The following COL6A2 variants were observed in gnomAD, a reference collection of about 807,000 sequenced individuals.
COL6A2 encodes the protein collagen type VI alpha 2 chain, also known as collagen alpha-2(VI) chain.
A neutral mutation model predicts 124.9 loss-of-function variants in COL6A2; 90 were observed. The observed-to-expected ratio is 0.72, with a 90% confidence interval of 0.61 to 0.86. The LOEUF is 0.86. Ranked by LOEUF, COL6A2 falls within the 40% of genes least tolerant of loss-of-function variation. The pLI is 0.00. For synonymous variants in COL6A2, 793 were observed against 618.2 expected, an observed-to-expected ratio of 1.28 and a Z score of -4.19; for missense variants, 1,607 against 1,502.5, an observed-to-expected ratio of 1.07 and a Z score of -1.15.
intron 21 of COL6A2, among the ~76,000 whole-genome samples, chr21:46,124,062 GGATGGACC>G (rs1452769905): frequency 6.6e-6 from 1 of 150,982 alleles, no homozygotes; most frequent in Non-Finnish European, 1.5e-5. Context: ...ATGAGTGAAC[GGATGGACC>G]GATGGATGAA....
Position 46,116,151 on chromosome 21 carries a change from C to T in COL6A2, c.900+98C>T. The stretch of plus-strand genomic sequence containing the variant: ...AGCCTCGGCCTCAGCCTCTACGACC[C>T]TCCCCCCAGTTACCAAGGAACAGAA... On this transcript the variant is annotated intron_variant, in intron 7 of 27. Transcript: ENST00000300527. This position sits in a 1 kb window ranked among gnomAD's most constrained non-coding sequence, Gnocchi z 4.6. 1 of 1,312,628 alleles carries T rather than the reference C, an allele frequency of 7.6e-7. No homozygotes were observed. The highest frequency in any genetic ancestry group is 1.3e-5 in the South Asian group (1 of 79,456). 81.3% of individuals were successfully genotyped at this position (1,312,628 alleles called of 1,614,324 possible).
At position 46,126,203 on chromosome 21, in the gene COL6A2, G is replaced by T. The variant is rs1312736604; in HGVS notation, c.2388G>T (p.Lys796Asn). ...TGTTCTCCGACCTGGTCGCTGAGAA[G>T]TTCATCGATGACATGGAGGACGTCC... is the stretch of plus-strand genomic sequence containing the variant. ...MTLFSDLVAE[K>N]FIDDMEDVLC... The change falls in exon 26 of 28, where the codon AAG becomes AAT. Residue 796 changes from lysine (K) to asparagine (N), a missense_variant. Physicochemically the swap from Lys to Asn is moderately conservative, Grantham distance 94 (BLOSUM62 0). Coordinates refer to ENST00000300527, the MANE Select transcript of COL6A2 (RefSeq NM_001849.4). 1.2e-6 allele frequency: 2 copies of T among 1,602,464 alleles called. No individual in the cohort carries two copies. The highest frequency in any genetic ancestry group is 1.7e-6 in the Non-Finnish European group (2 of 1,179,608).
rs759725060 is a variant in COL6A2, at chr21:46,116,605, T to C, written c.928-46T>C. 2 of 1,612,580 alleles carry C rather than the reference T, an allele frequency of 1.2e-6. No individual in the cohort carries two copies. Among genetic ancestry groups the C allele is most frequent in the Non-Finnish European group, 1.7e-6 (2 of 1,179,782 alleles). ...CCCCCAGAGGCAGCAGTGCCCATGA[T>C]GCTTTGAGGCACCGAGCTCACTGCG... On this transcript the variant is annotated intron_variant, in intron 8 of 27. Transcript: ENST00000300527. This position sits in a 1 kb window ranked among gnomAD's most constrained non-coding sequence, Gnocchi z 4.6.
chr21:46,125,817 G>A lies in COL6A2; in HGVS notation c.2002G>A (p.Glu668Lys), dbSNP rs138948335. Residue 668 changes from glutamate to lysine, a missense_variant, in exon 26 of 28, where the codon GAG (glutamate) becomes AAG (lysine). Around this residue, in one of 3 missense-constraint regions of COL6A2, gnomAD observed 1,223 missense variants for 1,052.2 expected, o/e 1.16. Coordinates refer to ENST00000300527, the MANE Select transcript of COL6A2 (RefSeq NM_001849.4). ...TGTGGGCGTGGTGCAGTACAGCCACGAGGGCACCTTTGAGGCCATCCAGCT... is the reference window on the plus strand; with the variant it reads ...TGTGGGCGTGGTGCAGTACAGCCACAAGGGCACCTTTGAGGCCATCCAGCT... ...TRVGVVQYSH[E>K]GTFEAIQLDD... 2.7e-5 allele frequency: 44 copies of A among 1,612,908 alleles called. 1 individual carries two copies. The highest frequency in any genetic ancestry group is 4.5e-5 in the East Asian group (2 of 44,864).
chr21:46,131,448 CAG>C (rs964372170), intron 27 of COL6A2, among the ~76,000 whole-genome samples: 30 of 152,330 alleles, frequency 2.0e-4, no homozygotes, highest in African/African-American at 6.7e-4. Flanking sequence ...TCAGAAGAGT[CAG>C]GGGCTCCTGG....
intron 1 of COL6A2, chr21:46,098,835 A>C (rs553911200): frequency 6.6e-6 from 1 of 152,210 alleles, no homozygotes; most frequent in East Asian, 1.9e-4. Flanking sequence ...GCTGACAGCG[A>C]CCCGCAGCCC....
chr21:46,124,326 C>T lies in COL6A2; in HGVS notation c.1672-325C>T, dbSNP rs143446144. On this transcript the variant is annotated intron_variant, in intron 21 of 27. Coordinates refer to ENST00000300527, the MANE Select transcript of COL6A2 (RefSeq NM_001849.4). Reference sequence around the variant, plus strand: ...ATGGGCGAATGGGTGGATGGGTGGGCGTGGAGTTGGTGGGTACATGATAAT... The same window carrying T: ...ATGGGCGAATGGGTGGATGGGTGGGTGTGGAGTTGGTGGGTACATGATAAT... Among the ~76,000 whole-genome samples, 75 of 151,930 alleles carry T rather than the reference C, an allele frequency of 4.9e-4. 2 individuals carry two copies. The South Asian group carries it at 0.012, about 25-fold the overall frequency.
chr21:46,117,494 G>C (rs776513901), intron 11 of COL6A2, 41 bp downstream of exon 11: 22 of 1,601,156 alleles, frequency 1.4e-5, no homozygotes, highest in Admixed American at 1.7e-5. Flanking sequence ...TCGGCCCAGG[G>C]GGTGTGGGTG....
chr21:46,113,415 C>T (rs914613680), intron 4 of COL6A2, among the ~76,000 whole-genome samples: 3 of 151,864 alleles, frequency 2.0e-5, no homozygotes, highest in African/African-American at 7.3e-5. Flanking sequence ...CTTTCTCTGT[C>T]ACCTAGGCTG....
In COL6A2 at chr21:46,131,992, A is replaced by G. The variant is rs1239148021; in HGVS notation, c.2500A>G (p.Ile834Val). Reference sequence around the variant, plus strand: ...ACAGTGCACGCAGCGGCCCGTGGACATCGTCTTCCTGCTGGACGGCTCCGA... The same window carrying G: ...ACAGTGCACGCAGCGGCCCGTGGACGTCGTCTTCCTGCTGGACGGCTCCGA... ...VAQCTQRPVDIVFLLDGSERL... is the reference protein window; with the variant it reads ...VAQCTQRPVDVVFLLDGSERL... Residue 834 changes from isoleucine to valine, a missense_variant, in exon 28 of 28, where the codon ATC becomes GTC. Physicochemically the swap from Ile to Val is conservative, Grantham distance 29. Transcript: ENST00000300527. The G allele has an allele frequency of 3.7e-6, 6 of 1,609,922 alleles. No individual in the cohort carries two copies. Among genetic ancestry groups the G allele is most frequent in the East Asian group, 2.2e-5 (1 of 44,834 alleles).
At chr21:46,099,671 G>A (rs1390815262) in intron 1 of COL6A2, among the ~76,000 whole-genome samples, 1 of 152,112 alleles carries the variant, frequency 6.6e-6, no homozygotes, top group Non-Finnish European at 1.5e-5. Context: ...TGGCTGGGAC[G>A]GGGCTGCCCA....
intron 27 of COL6A2, among the ~76,000 whole-genome samples, chr21:46,128,625 G>A (rs1470820958): frequency 1.3e-5 from 2 of 152,248 alleles, no homozygotes; most frequent in Non-Finnish European, 2.9e-5. Flanking sequence ...GCTGAAGGCA[G>A]TCAGGGCAGG....
At chr21:46,117,986 G>A (rs1269010797) in intron 12 of COL6A2, 50 bp downstream of exon 12, 1 of 1,566,748 alleles carries the variant, frequency 6.4e-7, no homozygotes, top group Admixed American at 1.8e-5. Flanking sequence ...CAGCTTCCAG[G>A]GGCCTCCTGG....
At position 46,116,152 on chromosome 21, in the gene COL6A2, T is replaced by TC; in HGVS notation, c.900+105dup. On this transcript the variant is annotated intron_variant, in intron 7 of 27. Coordinates refer to ENST00000300527, the MANE Select transcript of COL6A2 (RefSeq NM_001849.4). This position sits in a 1 kb window ranked among gnomAD's most constrained non-coding sequence, Gnocchi z 4.6. Reference sequence around the variant, plus strand: ...GCCTCGGCCTCAGCCTCTACGACCCTCCCCCCAGTTACCAAGGAACAGAAG... The same window carrying TC: ...GCCTCGGCCTCAGCCTCTACGACCCTCCCCCCCAGTTACCAAGGAACAGAAG... 1 of 1,274,358 alleles carries TC rather than the reference T, an allele frequency of 7.8e-7. No individual in the cohort carries two copies. Among genetic ancestry groups the TC allele is most frequent in the Non-Finnish European group, 1.1e-6 (1 of 900,602 alleles). The allele number at this position is 1,274,358 out of a possible 1,614,324, so 78.9% of individuals were successfully genotyped here. A position where few individuals can be genotyped will look rare whatever the true frequency, so the allele number is the denominator to read the frequency against.
Position 46,129,448 on chromosome 21 carries a change from G to A in COL6A2, c.2462-2506G>A, listed in dbSNP as rs778192400. 48 of 1,602,864 alleles carry A rather than the reference G, an allele frequency of 3.0e-5. 1 individual carries two copies. The East Asian group carries it at 8.5e-4, about 28-fold the overall frequency. ...ATTGACACCTTTAAGCTGGTGCACAGGGACATCGTGGGGGACCCCGAGACC... is the reference window on the plus strand; with the variant it reads ...ATTGACACCTTTAAGCTGGTGCACAAGGACATCGTGGGGGACCCCGAGACC... On this transcript the variant is annotated intron_variant, in intron 27 of 27. Transcript: ENST00000300527.
intron 1 of COL6A2, chr21:46,099,061 A>G (rs1409255285): frequency 6.6e-6 from 1 of 152,332 alleles, no homozygotes; most frequent in Non-Finnish European, 1.5e-5. Flanking sequence ...GTCGGAACCC[A>G]GAAAGGAGGG....
chr21:46,102,905 G>A (rs1242191988), intron 1 of COL6A2, among the ~76,000 whole-genome samples: 10 of 152,134 alleles, frequency 6.6e-5, no homozygotes, highest in Admixed American at 6.5e-4. Flanking sequence ...ATCTTTGTCT[G>A]GTATTGGTAT....
At chr21:46,115,301 C>G (rs2078454799) in intron 5 of COL6A2, among the ~76,000 whole-genome samples, 1 of 152,236 alleles carries the variant, frequency 6.6e-6, no homozygotes, top group Non-Finnish European at 1.5e-5. Flanking sequence ...TGAGTTTCCT[C>G]CCTTTTCTTC....
At chr21:46,113,075 G>A (rs1274267886) in intron 4 of COL6A2, 1 of 595,812 alleles carries the variant, frequency 1.7e-6, no homozygotes, top group Non-Finnish European at 3.0e-6. Context: ...GAGGTCGAGG[G>A]TCTGGCCTCC....
Sources: gnomAD v4.1 joint callset for allele counts (sites outside exome capture counted in the v4.1 genomes callset) on GRCh38, gnomAD v4.1.1 for gene constraint, gnomAD v4.1.1 regional missense constraint, Gnocchi (gnomAD v3.1) non-coding constraint, MANE v1.5 for transcripts, NCBI Gene and HGNC (gene_info 2026-07-23, HGNC 2026-07-21) for gene names.